Variants in PLA2G4A observed in about 807,000 individuals in gnomAD.
PLA2G4A encodes phospholipase A2 group IVA.
In PLA2G4A, 40 loss-of-function variants were observed where a neutral mutation model predicts 81.9. The observed-to-expected ratio is 0.49, with a 90% CI of 0.38 to 0.64. PLA2G4A has a LOEUF of 0.64. Among genes scored for constraint, PLA2G4A ranks in the 30% least tolerant of loss-of-function variants. The pLI is 0.00. For synonymous variants in PLA2G4A, 302 were observed against 296.9 expected, an observed-to-expected ratio of 1.02 and a Z score of -0.18; for missense variants, 715 against 905.1, an observed-to-expected ratio of 0.79 and a Z score of 2.69.
intron 3 of PLA2G4A, among the ~76,000 whole-genome samples, chr1:186,885,117 G>T (rs180937855): frequency 5.3e-5 from 8 of 152,126 alleles, no homozygotes; most frequent in East Asian, 1.9e-4. Flanking sequence ...GAGAAGCCAA[G>T]TTCCTTGAGA....
intron 12 of PLA2G4A, among the ~76,000 whole-genome samples, chr1:186,949,020 T>C: frequency 6.6e-6 from 1 of 152,192 alleles, no homozygotes; most frequent in Non-Finnish European, 1.5e-5. Flanking sequence ...AGAAAGACTT[T>C]AAGGTAAATT....
At chr1:186,848,382 G>T (rs559023696) in intron 1 of PLA2G4A, among the ~76,000 whole-genome samples, 1 of 152,218 alleles carries the variant, frequency 6.6e-6, no homozygotes, top group Admixed American at 6.5e-5. Context: ...GCTTGGGAGG[G>T]TTTGACCATA....
chr1:186,952,049 A>G (rs771360397), intron 13 of PLA2G4A, among the ~76,000 whole-genome samples: 1 of 152,098 alleles, frequency 6.6e-6, no homozygotes, highest in Non-Finnish European at 1.5e-5. Context: ...TAAAATTTAT[A>G]TATATTTTAG....
rs78429036 is a variant in PLA2G4A, at chr1:186,953,851, C to T, written c.1337-2251C>T. Among the ~76,000 whole-genome samples the T allele has an allele frequency of 6.1e-3, 927 of 152,252 alleles. 15 individuals carry two copies. Among genetic ancestry groups the T allele is most frequent in the African/African-American group, 0.022 (898 of 41,548 alleles). ...GAATAAGAAGAAGAAAAGTAAGAAGCGACAGCCCCAAAATCTTTGGAAATA... is the reference window on the plus strand; with the variant it reads ...GAATAAGAAGAAGAAAAGTAAGAAGTGACAGCCCCAAAATCTTTGGAAATA... On this transcript the variant is annotated intron_variant, in intron 13 of 17. Coordinates refer to ENST00000367466, the MANE Select transcript of PLA2G4A (RefSeq NM_024420.3).
chr1:186,830,965 T>C (rs200068879), intron 1 of PLA2G4A, among the ~76,000 whole-genome samples: 3 of 69,912 alleles, frequency 4.3e-5, no homozygotes, highest in Non-Finnish European at 9.2e-5. Context: ...TTGCTTTCTT[T>C]CTTTCTTTCT....
At chr1:186,977,947 TCTC>T (rs1310959813) in intron 16 of PLA2G4A, among the ~76,000 whole-genome samples, 159 bp downstream of exon 16, 1 of 152,124 alleles carries the variant, frequency 6.6e-6, no homozygotes, top group Non-Finnish European at 1.5e-5. Context: ...CTCAAGTACT[TCTC>T]CTCTTTCTTA....
At chr1:186,932,969 A>T in intron 8 of PLA2G4A, 70 bp downstream of exon 8, 1 of 1,114,354 alleles carries the variant, frequency 9.0e-7, no homozygotes, top group Non-Finnish European at 1.3e-6. Flanking sequence ...CAAGCACTAG[A>T]AGAGAAAAGG....
At chr1:186,864,648 T>G (rs1412170834) in intron 2 of PLA2G4A, among the ~76,000 whole-genome samples, 4 of 143,786 alleles carry the variant, frequency 2.8e-5, no homozygotes, top group Admixed American at 1.4e-4. Flanking sequence ...AAAATCAGAT[T>G]ATTATTATTA....
At chr1:186,959,185 G>A (rs917577276) in intron 14 of PLA2G4A, among the ~76,000 whole-genome samples, 1 of 123,668 alleles carries the variant, frequency 8.1e-6, no homozygotes, top group Non-Finnish European at 1.7e-5. Context: ...CTGGGCAACA[G>A]AGCCAGACTC....
At chr1:186,831,068 T>C (rs963974094) in intron 1 of PLA2G4A, among the ~76,000 whole-genome samples, 1 of 151,778 alleles carries the variant, frequency 6.6e-6, no homozygotes, top group Admixed American at 6.6e-5. Context: ...TTTCTTTTGT[T>C]TTTGTTCCAT....
chr1:186,899,389 C>G lies in PLA2G4A; in HGVS notation c.378+5178C>G, dbSNP rs1654458406. Among the ~76,000 whole-genome samples the G allele has an allele frequency of 2.0e-5, 3 of 152,044 alleles. No individual in the cohort carries two copies. The South Asian group carries it at 6.2e-4, about 32-fold the overall frequency. On this transcript the variant is annotated intron_variant, in intron 5 of 17. Transcript: ENST00000367466. ...GGGGGAGCAGGATCATTGCGGGTGACAGTGGACATCAATGTCTTAGGCATG... is the reference window on the plus strand; with the variant it reads ...GGGGGAGCAGGATCATTGCGGGTGAGAGTGGACATCAATGTCTTAGGCATG...
chr1:186,885,274 GAAAC>G (rs374466627), intron 3 of PLA2G4A, among the ~76,000 whole-genome samples: 7 of 152,026 alleles, frequency 4.6e-5, no homozygotes, highest in Non-Finnish European at 7.4e-5. Flanking sequence ...CTCATAAGAG[GAAAC>G]AAACAAACAA....
chr1:186,972,400 C>G (rs1217048668), intron 15 of PLA2G4A, among the ~76,000 whole-genome samples: 1 of 151,954 alleles, frequency 6.6e-6, no homozygotes, highest in Non-Finnish European at 1.5e-5. Flanking sequence ...AAGCCAAAGT[C>G]TTCATACTCA....
At chr1:186,851,323 G>A (rs1244338641) in intron 1 of PLA2G4A, among the ~76,000 whole-genome samples, 2 of 151,984 alleles carry the variant, frequency 1.3e-5, no homozygotes, top group Admixed American at 6.6e-5. Context: ...ATGCTCTTGG[G>A]CCTAGGAGCT....
rs1039362293 is a variant in PLA2G4A at position 186,837,104 on chromosome 1, G to C, written c.-70+8069G>C. Among the ~76,000 whole-genome samples the C allele has an allele frequency of 3.3e-5, 5 of 152,166 alleles. 1 individual carries two copies. The highest frequency in any genetic ancestry group is 7.2e-5 in the African/African-American group (3 of 41,440). On this transcript the variant is annotated intron_variant, in intron 1 of 17. Coordinates refer to ENST00000367466, the MANE Select transcript of PLA2G4A (RefSeq NM_024420.3). ...TTAGGGTGATGTTGTGGGAGCAAAG[G>C]AGGGAAAGTGGTTCTAGAGGAAAGA...
chr1:186,945,227 T>C (rs1656297878), intron 10 of PLA2G4A, among the ~76,000 whole-genome samples: 1 of 152,062 alleles, frequency 6.6e-6, no homozygotes, highest in African/African-American at 2.4e-5. Context: ...CTTGACTTCT[T>C]TGAGGAACAG....
intron 7 of PLA2G4A, among the ~76,000 whole-genome samples, chr1:186,926,106 G>C (rs1160506858): frequency 6.6e-6 from 1 of 152,190 alleles, no homozygotes; most frequent in Non-Finnish European, 1.5e-5. Flanking sequence ...TCTTGAGTTA[G>C]AAATTTATGT....
intron 7 of PLA2G4A, among the ~76,000 whole-genome samples, chr1:186,922,836 A>G (rs1655401057): frequency 6.6e-6 from 1 of 152,190 alleles, no homozygotes; most frequent in Non-Finnish European, 1.5e-5. Context: ...AAGGGGGTCC[A>G]CTTGAGTGGG....
intron 3 of PLA2G4A, among the ~76,000 whole-genome samples, chr1:186,883,714 A>G: frequency 6.6e-6 from 1 of 152,146 alleles, no homozygotes; most frequent in Non-Finnish European, 1.5e-5. Context: ...AAATAATGAT[A>G]TATTAGACAC....
Sources: gnomAD v4.1 joint callset for allele counts (sites outside exome capture counted in the v4.1 genomes callset) on GRCh38, gnomAD v4.1.1 for gene constraint, MANE v1.5 for transcripts, NCBI Gene and HGNC (gene_info 2026-07-23, HGNC 2026-07-21) for gene names.